The following GINS2 variants were observed in gnomAD, a reference collection of about 807,000 sequenced individuals.
The protein encoded by GINS2 is DNA replication complex GINS protein PSF2.
GINS2 carries 23 observed loss-of-function variants against 21.2 expected under a neutral mutation model. The ratio of observed to expected loss-of-function variants is 1.08; its 90% CI spans 0.78 to 1.53. The LOEUF is 1.53. Ranked by LOEUF, GINS2 falls within the 40% of genes most tolerant of loss-of-function variation. The pLI, the probability that GINS2 is intolerant of heterozygous loss-of-function variation, is 0.00. For synonymous variants in GINS2, 118 were observed against 85.6 expected, an observed-to-expected ratio of 1.38 and a Z score of -2.09; for missense variants, 323 against 233.9, an observed-to-expected ratio of 1.38 and a Z score of -2.49.
intron 4 of GINS2, 69 bp downstream of exon 4, chr16:85,678,471 C>G: frequency 6.3e-7 from 1 of 1,580,118 alleles, no homozygotes; most frequent in South Asian, 1.1e-5. Flanking sequence ...GTAATAGCCT[C>G]AGCAGACGGG....
chr16:85,678,299 C>G lies in GINS2; in HGVS notation c.471G>C (p.Gly157=). 6.2e-7 allele frequency: 1 copy of G among 1,613,450 alleles called. No individual in the cohort carries two copies. Residue 157 remains glycine (G), a synonymous_variant, in exon 5 of 5, where the codon GGG becomes GGC. Coordinates refer to ENST00000253462, the MANE Select transcript of GINS2 (RefSeq NM_016095.3). ...NLTLMEINTS[G]TFLTQALNHM... is the part of the protein sequence containing the mutation. Reference sequence around the variant, plus strand: ...GGTTGAGCGCTTGTGTGAGGAAAGTCCCGCTGGTGTTGATCTCCATCAAGG... The same window carrying G: ...GGTTGAGCGCTTGTGTGAGGAAAGTGCCGCTGGTGTTGATCTCCATCAAGG...
intron 2 of GINS2, among the ~76,000 whole-genome samples, chr16:85,683,497 C>T (rs2053751095): frequency 6.6e-6 from 1 of 152,240 alleles, no homozygotes; most frequent in African/African-American, 2.4e-5. Flanking sequence ...ATACCCACTG[C>T]AGCCCACAGC....
chr16:85,685,111 T>G (rs556003666), intron 2 of GINS2, among the ~76,000 whole-genome samples: 1 of 152,154 alleles, frequency 6.6e-6, no homozygotes, highest in Non-Finnish European at 1.5e-5. Context: ...AACTTATCTG[T>G]GGTGCAGAAG....
Position 85,677,744 on chromosome 16 carries a change from C to T in GINS2, c.*468G>A, listed in dbSNP as rs2053692609. Reference sequence around the variant, plus strand: ...CACCGGTCAGCATTGTTGGCTGCACCATCTGCCATCCTTCTCTGTGAGCCA... The same window carrying T: ...CACCGGTCAGCATTGTTGGCTGCACTATCTGCCATCCTTCTCTGTGAGCCA... On this transcript the variant is annotated 3_prime_UTR_variant, in exon 5 of 5. Coordinates refer to ENST00000253462, the MANE Select transcript of GINS2 (RefSeq NM_016095.3). 6.3e-6 allele frequency: 1 copy of T among 158,202 alleles called. No individual in the cohort carries two copies. The highest frequency in any genetic ancestry group is 1.9e-4 in the East Asian group (1 of 5,338). The allele number at this position is 158,202 out of a possible 1,614,324, so 9.8% of individuals were successfully genotyped here.
intron 2 of GINS2, 50 bp downstream of exon 2, chr16:85,687,410 C>T: frequency 8.6e-7 from 1 of 1,162,974 alleles, no homozygotes; most frequent in Non-Finnish European, 1.2e-6. Flanking sequence ...AGGGCGTCAC[C>T]CCAAGCCCAG....
At position 85,677,848 on chromosome 16, in the gene GINS2, C is replaced by G; in HGVS notation, c.*364G>C. The G allele has an allele frequency of 1.1e-5, 2 of 185,596 alleles. No homozygotes were observed. Among genetic ancestry groups the G allele is most frequent in the Non-Finnish European group, 2.3e-5 (2 of 88,460 alleles). 11.5% of individuals were successfully genotyped at this position (185,596 alleles called of 1,614,324 possible). ...AAAAGCCGTGGACCACATGGCCACT[C>G]CTGCTGTATCTACACCTACCAGTCA... is the stretch of plus-strand genomic sequence containing the variant. On this transcript the variant is annotated 3_prime_UTR_variant, in exon 5 of 5. Coordinates refer to ENST00000253462, the MANE Select transcript of GINS2 (RefSeq NM_016095.3).
intron 1 of GINS2, among the ~76,000 whole-genome samples, 194 bp downstream of exon 1, chr16:85,688,615 G>A (rs2053800575): frequency 6.6e-6 from 1 of 152,336 alleles, no homozygotes; most frequent in Middle Eastern, 3.4e-3. Context: ...GGGCGTTCGG[G>A]GCACTGGCAA....
Position 85,678,192 on chromosome 16 carries a change from C to T in GINS2, c.*20G>A, listed in dbSNP as rs771062381. ...TGAGCGCTCACATCCCCCAGCAAGC[C>T]GCCTGCACCAGGCCTTTCTCTAGAA... On this transcript the variant is annotated 3_prime_UTR_variant, in exon 5 of 5. Transcript: ENST00000253462. 2.1e-5 allele frequency: 34 copies of T among 1,610,778 alleles called. No homozygotes were observed. Among genetic ancestry groups the T allele is most frequent in the South Asian group, 3.3e-5 (3 of 90,632 alleles).
At chr16:85,686,417 CA>C (rs35890264) in intron 2 of GINS2, among the ~76,000 whole-genome samples, 33,146 of 110,622 alleles carry the variant, frequency 0.3, 4,413 homozygotes, top group East Asian at 0.49. Context: ...GACTCTGTCT[CA>C]AAAAAAAAAA....
Position 85,687,573 on chromosome 16 carries a change from C to A in GINS2, c.92G>T (p.Gly31Val). The A allele has an allele frequency of 6.5e-7, 1 of 1,537,774 alleles. No homozygotes were observed. Among genetic ancestry groups the A allele is most frequent in the South Asian group, 1.2e-5 (1 of 81,142 alleles). ...FSLDKIYLIG[G>V]DLGPFNPGLP... Reference sequence around the variant, plus strand: ...ACCAGGGTTAAAAGGCCCCAGGTCCCCCTGCCAAAAGTAAAACAATTCCCC... The same window carrying A: ...ACCAGGGTTAAAAGGCCCCAGGTCCACCTGCCAAAAGTAAAACAATTCCCC... Residue 31 changes from glycine to valine, a missense_variant and splice_region_variant, in exon 2 of 5, where the codon GGG becomes GTG. Coordinates refer to ENST00000253462, the MANE Select transcript of GINS2 (RefSeq NM_016095.3).
At position 85,677,953 on chromosome 16, in the gene GINS2, A is replaced by C. The variant is rs75457038; in HGVS notation, c.*259T>G. ...CTAGGGAGAATGACTTATTTACCTAAGGCTTTTTTATTTCTCAAAAGTGGG... is the reference window on the plus strand; with the variant it reads ...CTAGGGAGAATGACTTATTTACCTACGGCTTTTTTATTTCTCAAAAGTGGG... On this transcript the variant is annotated 3_prime_UTR_variant, in exon 5 of 5. Coordinates refer to ENST00000253462, the MANE Select transcript of GINS2 (RefSeq NM_016095.3). 1 of 408,098 alleles carries C rather than the reference A, an allele frequency of 2.5e-6. No individual in the cohort carries two copies. Among genetic ancestry groups the C allele is most frequent in the Non-Finnish European group, 4.4e-6 (1 of 225,566 alleles). 25.3% of individuals were successfully genotyped at this position (408,098 alleles called of 1,614,324 possible). A position where few individuals can be genotyped will look rare whatever the true frequency, so the allele number is the denominator to read the frequency against.
rs35840287 is a variant in GINS2 at position 85,687,594 on chromosome 16, TCC to T, written c.91-22_91-21del. The T allele has an allele frequency of 7.2e-7, 1 of 1,395,382 alleles. No individual in the cohort carries two copies. The highest frequency in any genetic ancestry group is 9.8e-7 in the Non-Finnish European group (1 of 1,020,928). 86.4% of individuals were successfully genotyped at this position (1,395,382 alleles called of 1,614,324 possible). On this transcript the variant is annotated intron_variant, in intron 1 of 4. Transcript: ENST00000253462. ...GTCCCCCTGCCAAAAGTAAAACAAT[TCC>T]CCGTAAGATTGAAAAAGAACAAAAA...
At chr16:85,687,972 C>T (rs2053792284) in intron 1 of GINS2, 2 of 159,570 alleles carry the variant, frequency 1.3e-5, no homozygotes, top group Non-Finnish European at 2.7e-5. Context: ...GCGCCTCCCT[C>T]ATACTGAAAA....
In GINS2 at chr16:85,682,517, G is replaced by C. The variant is rs370510961; in HGVS notation, c.206-836C>G. Among the ~76,000 whole-genome samples the C allele has an allele frequency of 3.3e-5, 5 of 149,848 alleles. No homozygotes were observed. In the East Asian group the frequency reaches 9.9e-4, roughly 30 times the overall value. ...GGCTAAGCCACCCCAGCCTGGGCGT[G>C]ATACAATATCCTAGGGGGGTTAAGC... On this transcript the variant is annotated intron_variant, in intron 2 of 4. Coordinates refer to ENST00000253462, the MANE Select transcript of GINS2 (RefSeq NM_016095.3).
Position 85,676,526 on chromosome 16 carries a change from C to A in GINS2, c.*1686G>T, listed in dbSNP as rs2053671823. 6.6e-6 allele frequency: 1 copy of A among 152,284 alleles called. No homozygotes were observed. Among genetic ancestry groups the A allele is most frequent in the African/African-American group, 2.4e-5 (1 of 41,458 alleles). 9.4% of individuals were successfully genotyped at this position (152,284 alleles called of 1,614,324 possible). A position where few individuals can be genotyped will look rare whatever the true frequency, so the allele number is the denominator to read the frequency against. ...TTCAGTGTCCAAATAACCACCAAAA[C>A]CTGCCTGGCGGGGACACGTGGGCAG... On this transcript the variant is annotated 3_prime_UTR_variant, in exon 5 of 5. Transcript: ENST00000253462.
At chr16:85,680,069 T>A (rs2053718798) in intron 3 of GINS2, among the ~76,000 whole-genome samples, 1 of 152,208 alleles carries the variant, frequency 6.6e-6, no homozygotes, top group African/African-American at 2.4e-5. Flanking sequence ...CCACCTGGCC[T>A]TACTGCGCTC....
intron 2 of GINS2, among the ~76,000 whole-genome samples, chr16:85,682,092 T>A (rs117760016): frequency 0.011 from 1,456 of 131,526 alleles, 18 homozygotes; most frequent in Non-Finnish European, 0.016. Flanking sequence ...AGTGGCACCA[T>A]CACAGCTCAC....
rs552602412 is a variant in GINS2, at chr16:85,687,654, G to C, written c.91-80C>G. On this transcript the variant is annotated intron_variant, in intron 1 of 4. Transcript: ENST00000253462. ...ACTGTGCGTTACTGCTATCAAATAA[G>C]AGGCAAGGCATTGCAGAGGCTGAAG... 11 of 768,062 alleles carry C rather than the reference G, an allele frequency of 1.4e-5. No homozygotes were observed. The South Asian group carries it at 1.9e-4, about 13-fold the overall frequency. The allele number at this position is 768,062 out of a possible 1,614,324, so 47.6% of individuals were successfully genotyped here. A position where few individuals can be genotyped will look rare whatever the true frequency, so the allele number is the denominator to read the frequency against.
intron 2 of GINS2, among the ~76,000 whole-genome samples, chr16:85,685,685 A>AAAAAAAAAAAAAAAAACAAAAAAC (rs56405044): frequency 8.3e-6 from 1 of 120,900 alleles, no homozygotes; most frequent in Non-Finnish European, 1.9e-5. Context: ...AAAAAAAAAA[A>AAAAAAAAAAAAAAAAACAAAAAAC]AAAAAACCGT....
Sources: allele counts gnomAD v4.1 joint callset (sites outside exome capture counted in the v4.1 genomes callset), GRCh38; gene constraint gnomAD v4.1.1; transcripts MANE v1.5; gene names NCBI Gene and HGNC (gene_info 2026-07-23, HGNC 2026-07-21).